DIPK2A: variants seen among roughly 807,000 people sequenced by gnomAD.
DIPK2A encodes Golgi Protein of 49 kDa.
DIPK2A carries 27 observed loss-of-function variants against 39.0 expected under a neutral mutation model. The ratio of observed to expected loss-of-function variants is 0.69; its 90% CI spans 0.51 to 0.96. DIPK2A has a LOEUF of 0.96. DIPK2A is among the 40% of genes least tolerant of loss of function. The pLI is 0.00. For synonymous variants in DIPK2A, 298 were observed against 240.8 expected, an observed-to-expected ratio of 1.24 and a Z score of -2.20; for missense variants, 528 against 571.3, an observed-to-expected ratio of 0.92 and a Z score of 0.77.
In DIPK2A at chr3:143,991,345, G is replaced by C. The variant is rs1480495495; in HGVS notation, c.*1504G>C. 6.6e-6 allele frequency: 1 copy of C among 152,578 alleles called. No individual in the cohort carries two copies. Among genetic ancestry groups the C allele is most frequent in the African/African-American group, 2.4e-5 (1 of 41,446 alleles). The allele number at this position is 152,578 out of a possible 1,614,324, so 9.5% of individuals were successfully genotyped here. A position where few individuals can be genotyped will look rare whatever the true frequency, so the allele number is the denominator to read the frequency against. On this transcript the variant is annotated 3_prime_UTR_variant, in exon 3 of 3. Transcript: ENST00000315691. ...CAACTCTGTGCCAGGCACGTTACTA[G>C]CTGCTACATACTGTCTGAACATGAC...
chr3:143,976,346 G>T (rs1292510063), intron 1 of DIPK2A, among the ~76,000 whole-genome samples: 2 of 151,386 alleles, frequency 1.3e-5, no homozygotes, highest in Non-Finnish European at 2.9e-5. Flanking sequence ...TTAGTGCCAG[G>T]TATACTGTAA....
At position 143,990,077 on chromosome 3, in the gene DIPK2A, G is replaced by C. The variant is rs2087959491; in HGVS notation, c.*236G>C. On this transcript the variant is annotated 3_prime_UTR_variant, in exon 3 of 3. Transcript: ENST00000315691. ...TTGGAGGCTTGAGCTGTCATCAGCT[G>C]CTCCCCACTACCCCGGAATGCTTGA... 1 of 489,748 alleles carries C rather than the reference G, an allele frequency of 2.0e-6. No individual in the cohort carries two copies. The highest frequency in any genetic ancestry group is 1.9e-5 in the African/African-American group (1 of 52,092). 30.3% of individuals were successfully genotyped at this position (489,748 alleles called of 1,614,324 possible).
At chr3:143,975,465 A>G (rs761653173) in intron 1 of DIPK2A, among the ~76,000 whole-genome samples, 11 of 152,160 alleles carry the variant, frequency 7.2e-5, no homozygotes, top group Non-Finnish European at 1.5e-4. Context: ...TGATGATTGT[A>G]TAAAACCACC....
intron 1 of DIPK2A, 177 bp downstream of exon 1, chr3:143,973,166 A>G: frequency 9.5e-7 from 1 of 1,049,354 alleles, no homozygotes; most frequent in Non-Finnish European, 1.4e-6. Context: ...AGGGAGGCCG[A>G]GGGCGACCCC....
intron 1 of DIPK2A, among the ~76,000 whole-genome samples, chr3:143,976,076 G>A (rs538959736): frequency 6.6e-6 from 1 of 152,160 alleles, no homozygotes; most frequent in African/African-American, 2.4e-5. Flanking sequence ...TGTCTAAGAT[G>A]TTTACACACA....
Position 143,972,115 on chromosome 3 carries a change from T to C in DIPK2A, c.-218T>C, listed in dbSNP as rs1271413288. 6 of 400,832 alleles carry C rather than the reference T, an allele frequency of 1.5e-5. No homozygotes were observed. Among genetic ancestry groups the C allele is most frequent in the Non-Finnish European group, 2.6e-5 (6 of 229,324 alleles). The allele number at this position is 400,832 out of a possible 1,614,324, so 24.8% of individuals were successfully genotyped here. On this transcript the variant is annotated 5_prime_UTR_variant, in exon 1 of 3. Coordinates refer to ENST00000315691, the MANE Select transcript of DIPK2A (RefSeq NM_173552.5). ...GAGCTAGGAGGAGGGAGCTCGAGAG[T>C]TGTGGAGACTAGTGACTGGGAGAAG...
chr3:143,989,465 T>G, intron 2 of DIPK2A, 45 bp from the exon 3 acceptor site: 2 of 1,300,434 alleles, frequency 1.5e-6, no homozygotes, highest in South Asian at 1.4e-5. Context: ...CAATGAAAAC[T>G]ATTTAAAAAA....
chr3:143,973,673 C>T lies in DIPK2A; in HGVS notation c.657+684C>T, dbSNP rs2087689845. Reference sequence around the variant, plus strand: ...GGGCTTAAGGCCAGACAGACGTTTTCATCCTGATCCTGTGACCTGCCCTAT... The same window carrying T: ...GGGCTTAAGGCCAGACAGACGTTTTTATCCTGATCCTGTGACCTGCCCTAT... On this transcript the variant is annotated intron_variant, in intron 1 of 2. Transcript: ENST00000315691. The T allele has an allele frequency of 1.0e-5, 8 of 773,008 alleles. No homozygotes were observed. In the Admixed American group the frequency reaches 1.5e-4, roughly 15 times the overall value. 47.9% of individuals were successfully genotyped at this position (773,008 alleles called of 1,614,324 possible).
intron 1 of DIPK2A, chr3:143,973,711 C>A (rs1197519528): frequency 3.1e-6 from 2 of 641,212 alleles, no homozygotes; most frequent in Non-Finnish European, 5.6e-6. Flanking sequence ...ATCTGGTAAT[C>A]TAGTTGAAGG....
At chr3:143,987,525 C>G (rs2087920742) in intron 2 of DIPK2A, among the ~76,000 whole-genome samples, 1 of 152,308 alleles carries the variant, frequency 6.6e-6, no homozygotes, top group South Asian at 2.1e-4. Context: ...TTTCCACTTT[C>G]TAGTAAATGA....
rs201151326 is a variant in DIPK2A, at chr3:143,985,623, A to G, written c.738A>G (p.Gly246=). 2 of 1,614,168 alleles carry G rather than the reference A, an allele frequency of 1.2e-6. No homozygotes were observed. Among genetic ancestry groups the G allele is most frequent in the Admixed American group, 1.7e-5 (1 of 60,028 alleles). ...CGRMVAVNYV[G]EELWSYFNAP... is the part of the protein sequence containing the mutation. ...GAATGGTGGCTGTAAATTATGTTGG[A>G]GAAGAACTGTGGAGTTACTTTAATG... The change falls in exon 2 of 3, where the codon GGA becomes GGG. Residue 246 remains glycine, a synonymous_variant. Transcript: ENST00000315691.
rs1576815187 is a variant in DIPK2A at position 143,990,088 on chromosome 3, C to A, written c.*247C>A. On this transcript the variant is annotated 3_prime_UTR_variant, in exon 3 of 3. Transcript: ENST00000315691. ...AGCTGTCATCAGCTGCTCCCCACTA[C>A]CCCGGAATGCTTGAGTGGATTAATG... 2.2e-6 allele frequency: 1 copy of A among 457,022 alleles called. No individual in the cohort carries two copies. Among genetic ancestry groups the A allele is most frequent in the East Asian group, 3.7e-5 (1 of 27,344 alleles). The allele number at this position is 457,022 out of a possible 1,614,324, so 28.3% of individuals were successfully genotyped here. A position where few individuals can be genotyped will look rare whatever the true frequency, so the allele number is the denominator to read the frequency against.
intron 2 of DIPK2A, among the ~76,000 whole-genome samples, chr3:143,987,494 CT>C (rs1218170694): frequency 6.6e-6 from 1 of 152,192 alleles, no homozygotes; most frequent in Non-Finnish European, 1.5e-5. Flanking sequence ...AAGTCTCTGT[CT>C]GTTCATTTAC....
chr3:143,984,304 C>T (rs1365086367), intron 1 of DIPK2A, among the ~76,000 whole-genome samples: 5 of 152,028 alleles, frequency 3.3e-5, no homozygotes, highest in Non-Finnish European at 7.4e-5. Context: ...CACAGCTTGG[C>T]TGTTTGGGTT....
Position 143,984,073 on chromosome 3 carries a change from A to G in DIPK2A, c.658-1470A>G, listed in dbSNP as rs549372540. Among the ~76,000 whole-genome samples, 6 of 152,268 alleles carry G rather than the reference A, an allele frequency of 3.9e-5. No homozygotes were observed. In the South Asian group the frequency reaches 6.2e-4, roughly 16 times the overall value. ...CATTAACCAGCCTCTGCTAGCTTCA[A>G]ACTTTTCTTCTGAACTCTGAGCCTT... On this transcript the variant is annotated intron_variant, in intron 1 of 2. Transcript: ENST00000315691.
At chr3:143,975,331 G>A (rs2087713698) in intron 1 of DIPK2A, among the ~76,000 whole-genome samples, 2 of 152,030 alleles carry the variant, frequency 1.3e-5, no homozygotes, top group Non-Finnish European at 2.9e-5. Context: ...TGATTAACAA[G>A]CAAGTAGAGG....
intron 1 of DIPK2A, chr3:143,978,660 CTATATATAGATATATA>C (rs1427960590): frequency 5.3e-5 from 4 of 76,048 alleles, no homozygotes; most frequent in Admixed American, 2.6e-4. Flanking sequence ...ATATATATAT[CTATATATAGATATATA>C]TATATCTATA....
Position 143,983,357 on chromosome 3 carries a change from A to T in DIPK2A, c.658-2186A>T, listed in dbSNP as rs557254055. Among the ~76,000 whole-genome samples the T allele has an allele frequency of 3.3e-5, 5 of 152,330 alleles. No homozygotes were observed. In the East Asian group the frequency reaches 9.6e-4, roughly 29 times the overall value. On this transcript the variant is annotated intron_variant, in intron 1 of 2. Transcript: ENST00000315691. ...AAAGAAAATCATAACAGTCTCTCAG[A>T]CCACAATTCTAATTGCAGTCAAATT...
At chr3:143,981,497 A>G (rs890280992) in intron 1 of DIPK2A, among the ~76,000 whole-genome samples, 1 of 152,194 alleles carries the variant, frequency 6.6e-6, no homozygotes, top group African/African-American at 2.4e-5. Flanking sequence ...CAGTCTGCTT[A>G]ATATTAAACT....
Sources: gnomAD v4.1 joint callset for allele counts (sites outside exome capture counted in the v4.1 genomes callset) on GRCh38, gnomAD v4.1.1 for gene constraint, MANE v1.5 for transcripts, NCBI Gene and HGNC (gene_info 2026-07-23, HGNC 2026-07-21) for gene names.